Variants in UGGT1 observed in about 807,000 individuals in gnomAD.
UGGT1 encodes the protein UDP-glucose glycoprotein glucosyltransferase 1, also known as UDP-glucose:glycoprotein glucosyltransferase 1.
Under a neutral mutation model 203.9 loss-of-function variants are expected in UGGT1, and 107 were observed. That is an observed-to-expected ratio of 0.52 (90% CI 0.45 to 0.62). The LOEUF is 0.62. Among genes scored for constraint, UGGT1 ranks in the 20% least tolerant of loss-of-function variants. UGGT1 has a pLI of 0.00. For missense variants in UGGT1, 1,673 were observed against 1,867.2 expected, an observed-to-expected ratio of 0.90 and a Z score of 1.92; for synonymous variants, 628 against 653.5, an observed-to-expected ratio of 0.96 and a Z score of 0.59.
intron 1 of UGGT1, among the ~76,000 whole-genome samples, chr2:128,095,773 A>T (rs939426221): frequency 1.3e-5 from 2 of 152,160 alleles, no homozygotes; most frequent in African/African-American, 4.8e-5. Context: ...TTCTTCAGAG[A>T]TACTGTATGT....
intron 8 of UGGT1, 62 bp downstream of exon 8, chr2:128,116,405 T>A: frequency 9.2e-7 from 1 of 1,089,754 alleles, no homozygotes; most frequent in Non-Finnish European, 1.4e-6. Flanking sequence ...CAGGCTTTCT[T>A]GCATTTTAAG....
chr2:128,166,804 G>A (rs1350681377), intron 26 of UGGT1, among the ~76,000 whole-genome samples: 1 of 152,124 alleles, frequency 6.6e-6, no homozygotes, highest in African/African-American at 2.4e-5. Flanking sequence ...ATTGTGCCTC[G>A]GAATCCCCAG....
chr2:128,112,454 TTATATA>T lies in UGGT1; in HGVS notation c.522-616_522-611del, dbSNP rs59726004. On this transcript the variant is annotated intron_variant, in intron 5 of 40. Transcript: ENST00000259253. ...AAAAAACCCCCCAAAAAATACTATG[TTATATA>T]TATATATATATATTACATACATACA... is the stretch of plus-strand genomic sequence containing the variant. Among the ~76,000 whole-genome samples the T allele has an allele frequency of 1.4e-4, 8 of 55,812 alleles. 1 individual carries two copies. Among genetic ancestry groups the T allele is most frequent in the Admixed American group, 2.5e-4 (1 of 3,968 alleles). 36.6% of individuals were successfully genotyped at this position (55,812 alleles called of 152,430 possible).
chr2:128,102,795 C>A (rs900699010), intron 2 of UGGT1, among the ~76,000 whole-genome samples: 5 of 152,038 alleles, frequency 3.3e-5, no homozygotes, highest in Non-Finnish European at 7.4e-5. Flanking sequence ...GTCACCTTGC[C>A]CCTCTCTGCT....
intron 25 of UGGT1, among the ~76,000 whole-genome samples, chr2:128,162,189 TC>T (rs1350673699): frequency 2.0e-5 from 3 of 152,144 alleles, no homozygotes; most frequent in Non-Finnish European, 4.4e-5. Context: ...AAATGTCTAT[TC>T]AAGTCTTTTG....
chr2:128,188,133 G>A (rs1468357092), intron 40 of UGGT1, among the ~76,000 whole-genome samples: 3 of 150,924 alleles, frequency 2.0e-5, no homozygotes, highest in East Asian at 3.9e-4. Context: ...TGTTTCTCAT[G>A]CCTCAGCCTC....
chr2:128,194,415 T>G lies in UGGT1; in HGVS notation c.*4673T>G, dbSNP rs1364683640. 6.6e-6 allele frequency: 1 copy of G among 152,198 alleles called. No individual in the cohort carries two copies. The highest frequency in any genetic ancestry group is 1.5e-5 in the Non-Finnish European group (1 of 68,090). The allele number at this position is 152,198 out of a possible 1,614,324, so 9.4% of individuals were successfully genotyped here. ...CTGAGTAGCTGGGATTACAGGTGCC[T>G]GCCACTATGCCTAGCTAATTTTTGT... On this transcript the variant is annotated 3_prime_UTR_variant, in exon 41 of 41. Coordinates refer to ENST00000259253, the MANE Select transcript of UGGT1 (RefSeq NM_020120.4).
intron 16 of UGGT1, among the ~76,000 whole-genome samples, chr2:128,141,591 C>T (rs187589152): frequency 2.7e-5 from 4 of 148,964 alleles, no homozygotes; most frequent in Admixed American, 2.7e-4. Flanking sequence ...GGTGACGAAG[C>T]GAGACTCCAT....
At position 128,190,415 on chromosome 2, in the gene UGGT1, T is replaced by TAAGGG. The variant is rs1009900645; in HGVS notation, c.*683_*687dup. On this transcript the variant is annotated 3_prime_UTR_variant, in exon 41 of 41. Transcript: ENST00000259253. ...GTCAGGAGTAGGAAGGTTCGGGGGT[T>TAAGGG]AAGGGAAGGGAAGGAAGACCAGAAC... 2.0e-5 allele frequency: 3 copies of TAAGGG among 152,142 alleles called. No individual in the cohort carries two copies. Among genetic ancestry groups the TAAGGG allele is most frequent in the Non-Finnish European group, 2.9e-5 (2 of 68,060 alleles). 9.4% of individuals were successfully genotyped at this position (152,142 alleles called of 1,614,324 possible).
chr2:128,168,156 G>A (rs567279401), intron 26 of UGGT1, among the ~76,000 whole-genome samples: 7 of 152,252 alleles, frequency 4.6e-5, no homozygotes, highest in South Asian at 4.1e-4. Context: ...TGCTGGACCC[G>A]TCCCCAGAGT....
intron 39 of UGGT1, 114 bp from the exon 40 acceptor site, chr2:128,187,335 G>A: frequency 1.7e-6 from 2 of 1,159,968 alleles, no homozygotes; most frequent in Non-Finnish European, 1.2e-6. Flanking sequence ...ATATCATTTG[G>A]TTCCTTACTA....
Position 128,143,078 on chromosome 2 carries a change from T to A in UGGT1, c.1720-16T>A. On this transcript the variant is annotated splice_polypyrimidine_tract_variant and intron_variant, in intron 16 of 40. Transcript: ENST00000259253. ...ACTTAAAAGTGTAGTTAACCAACTGTTTTTTCTTTCTTCAGATCTATAACA... is the reference window on the plus strand; with the variant it reads ...ACTTAAAAGTGTAGTTAACCAACTGATTTTTCTTTCTTCAGATCTATAACA... The A allele has an allele frequency of 3.2e-6, 5 of 1,574,554 alleles. No individual in the cohort carries two copies. The highest frequency in any genetic ancestry group is 4.3e-6 in the Non-Finnish European group (5 of 1,163,794).
chr2:128,179,985 C>T (rs1691604943), intron 35 of UGGT1, 115 bp downstream of exon 35: 2 of 845,688 alleles, frequency 2.4e-6, no homozygotes, highest in African/African-American at 1.8e-5. Flanking sequence ...ACTAAGATAC[C>T]CTAATTTGGT....
chr2:128,157,020 C>A (rs979905811), intron 21 of UGGT1, among the ~76,000 whole-genome samples: 38 of 152,198 alleles, frequency 2.5e-4, no homozygotes. Flanking sequence ...GTGCATTAAT[C>A]AGTAGAATTA....
In UGGT1 at chr2:128,143,124, G is replaced by A. The variant is rs772405479; in HGVS notation, c.1750G>A (p.Val584Met). The A allele has an allele frequency of 1.9e-6, 3 of 1,613,180 alleles. No individual in the cohort carries two copies. Among genetic ancestry groups the A allele is most frequent in the Admixed American group, 3.3e-5 (2 of 59,924 alleles). ...TAACAAGGTGAGGACTGGAGAAAAA[G>A]TGAAAGTTGAACATGTGGTCAGTGT... Reference protein sequence around the residue: ...IYNKVRTGEKVKVEHVVSVLE... With the variant: ...IYNKVRTGEKMKVEHVVSVLE... The change falls in exon 17 of 41, where the codon GTG becomes ATG. Residue 584 changes from valine to methionine, a missense_variant. Physicochemically the swap from Val to Met is conservative, Grantham distance 21. This residue lies in a region of UGGT1 where 1,073 missense variants were observed against 1,078.7 expected (regional missense o/e 0.99). Transcript: ENST00000259253.
At chr2:128,091,599 A>AT in intron 1 of UGGT1, 184 bp downstream of exon 1, 1 of 1,436,662 alleles carries the variant, frequency 7.0e-7, no homozygotes, top group African/African-American at 1.5e-5. Context: ...TTGGCAAGGT[A>AT]TCGCTTCCGC....
At chr2:128,183,593 T>TG in intron 37 of UGGT1, 82 bp from the exon 38 acceptor site, 1 of 971,328 alleles carries the variant, frequency 1.0e-6, no homozygotes, top group East Asian at 2.5e-5. Flanking sequence ...ATTTGGCTAG[T>TG]GGCCTGTTCC....
chr2:128,151,729 G>A lies in UGGT1; in HGVS notation c.2017-1055G>A, dbSNP rs1409316810. Among the ~76,000 whole-genome samples, 4 of 152,078 alleles carry A rather than the reference G, an allele frequency of 2.6e-5. No homozygotes were observed. The East Asian group carries it at 7.7e-4, about 29-fold the overall frequency. On this transcript the variant is annotated intron_variant, in intron 18 of 40. Coordinates refer to ENST00000259253, the MANE Select transcript of UGGT1 (RefSeq NM_020120.4). ...TCTACAAAAATACAAAAATTAGCTG[G>A]GTGTGGTGGCACATGCCTGTAGTCC...
chr2:128,127,336 C>T lies in UGGT1; in HGVS notation c.1135-25C>T, dbSNP rs761065697. On this transcript the variant is annotated intron_variant, in intron 11 of 40. Transcript: ENST00000259253. ...TTTTTAAAACATTCTCTCACAGCTC[C>T]CTAATAATTATTAAAATTTTTCAGT... is the stretch of plus-strand genomic sequence containing the variant. 2.0e-6 allele frequency: 3 copies of T among 1,537,436 alleles called. No homozygotes were observed. The African/African-American group carries it at 4.1e-5, about 21-fold the overall frequency.
Sources: gnomAD v4.1 joint callset for allele counts (sites outside exome capture counted in the v4.1 genomes callset) on GRCh38, gnomAD v4.1.1 for gene constraint, gnomAD v4.1.1 regional missense constraint, MANE v1.5 for transcripts, NCBI Gene and HGNC (gene_info 2026-07-23, HGNC 2026-07-21) for gene names.